The following DPYD variants were observed in gnomAD, a reference collection of about 807,000 sequenced individuals.
DPYD encodes dihydropyrimidine dehydrogenase, also known as dihydropyrimidine dehydrogenase [NADP(+)].
DPYD carries 109 observed loss-of-function variants against 116.2 expected under a neutral mutation model. That is an observed-to-expected ratio of 0.94 (90% CI 0.80 to 1.10). The LOEUF is 1.10. Among genes scored for constraint, DPYD ranks in the 50% least tolerant of loss-of-function variants. The pLI is 0.00. For synonymous variants in DPYD, 440 were observed against 432.0 expected (o/e 1.02, Z -0.23); for missense variants, 1,302 against 1,254.5 (o/e 1.04, Z -0.57).
chr1:97,839,806 C>T (rs1345998394), intron 2 of DPYD, among the ~76,000 whole-genome samples: 2 of 152,070 alleles, frequency 1.3e-5, no homozygotes, highest in Non-Finnish European at 2.9e-5. Flanking sequence ...ATTCACAATC[C>T]ACTAGCAATG....
chr1:97,209,085 G>T (rs772034316), intron 19 of DPYD, among the ~76,000 whole-genome samples: 1 of 152,070 alleles, frequency 6.6e-6, no homozygotes, highest in Non-Finnish European at 1.5e-5. Flanking sequence ...AAACATATAA[G>T]ATCGAATTTT....
chr1:97,469,397 C>CAAAAAAAAAAAAAAAGAA (rs1677504682), intron 13 of DPYD, among the ~76,000 whole-genome samples: 1 of 80,800 alleles, frequency 1.2e-5, no homozygotes, highest in Non-Finnish European at 2.1e-5. Context: ...GCTAAAATTG[C>CAAAAAAAAAAAAAAAGAA]AAAAAAAAAA....
intron 8 of DPYD, among the ~76,000 whole-genome samples, chr1:97,633,333 C>T (rs915716544): frequency 1.3e-5 from 2 of 152,002 alleles, no homozygotes; most frequent in African/African-American, 4.8e-5. Flanking sequence ...GAACTAAAAG[C>T]GTCATGGGGA....
intron 19 of DPYD, among the ~76,000 whole-genome samples, chr1:97,214,012 C>A (rs888815028): frequency 1.3e-5 from 2 of 152,066 alleles, no homozygotes; most frequent in Non-Finnish European, 2.9e-5. Flanking sequence ...TGCATGCTTG[C>A]CAGTTTTTAA....
chr1:97,768,999 T>C (rs1265103965), intron 3 of DPYD, among the ~76,000 whole-genome samples: 1 of 151,902 alleles, frequency 6.6e-6, no homozygotes, highest in Non-Finnish European at 1.5e-5. Flanking sequence ...GAGTATTAAA[T>C]TTAAAAGTGA....
At chr1:97,796,096 C>A (rs1361252626) in intron 3 of DPYD, among the ~76,000 whole-genome samples, 3 of 151,956 alleles carry the variant, frequency 2.0e-5, no homozygotes, top group Admixed American at 6.6e-5. Context: ...ATATACTTAA[C>A]CCCATTTTAC....
chr1:97,578,900 CAA>C (rs1037723220), intron 10 of DPYD, among the ~76,000 whole-genome samples: 1 of 151,208 alleles, frequency 6.6e-6, no homozygotes, highest in African/African-American at 2.4e-5. Context: ...AAATTTAGAA[CAA>C]AAAAAAGTAC....
At chr1:97,763,799 C>T (rs1047641633) in intron 3 of DPYD, among the ~76,000 whole-genome samples, 2 of 151,924 alleles carry the variant, frequency 1.3e-5, no homozygotes, top group Non-Finnish European at 2.9e-5. Context: ...ATAAAAAAGG[C>T]ATCAAAATTC....
At chr1:97,237,241 CAAAAAAA>C (rs58926889) in intron 18 of DPYD, among the ~76,000 whole-genome samples, 4 of 57,700 alleles carry the variant, frequency 6.9e-5, no homozygotes, top group Non-Finnish European at 1.4e-4. Context: ...GATTCTGTCT[CAAAAAAA>C]AAAAAAAAAA....
At chr1:97,148,668 T>C in intron 20 of DPYD, among the ~76,000 whole-genome samples, 1 of 152,184 alleles carries the variant, frequency 6.6e-6, no homozygotes, top group East Asian at 1.9e-4. Context: ...ATGGAATCCC[T>C]GGCAATATCT....
chr1:97,115,290 T>G (rs1651884157), intron 20 of DPYD, among the ~76,000 whole-genome samples: 2 of 152,322 alleles, frequency 1.3e-5, no homozygotes, highest in African/African-American at 4.8e-5. Context: ...ATTTTGTGTT[T>G]GAGAGAAAAG....
chr1:97,380,186 C>T (rs1194741457), intron 15 of DPYD, among the ~76,000 whole-genome samples: 7 of 152,132 alleles, frequency 4.6e-5, no homozygotes, highest in Non-Finnish European at 1.5e-5. Flanking sequence ...AGAAATGGCT[C>T]AGTTTGGCAT....
At position 97,152,227 on chromosome 1, in the gene DPYD, T is replaced by C. The variant is rs529240068; in HGVS notation, c.2622+40842A>G. Among the ~76,000 whole-genome samples the C allele has an allele frequency of 3.3e-5, 5 of 152,290 alleles. No homozygotes were observed. The East Asian group carries it at 9.6e-4, about 29-fold the overall frequency. Reference sequence around the variant, plus strand: ...ATACACTAGGCAATTATAGCCAAAGTTTCTACGGATGTGGCTAATTTATTT... The same window carrying C: ...ATACACTAGGCAATTATAGCCAAAGCTTCTACGGATGTGGCTAATTTATTT... On this transcript the variant is annotated intron_variant, in intron 20 of 22. Coordinates refer to ENST00000370192, the MANE Select transcript of DPYD (RefSeq NM_000110.4).
chr1:97,745,139 G>A (rs551592855), intron 3 of DPYD, among the ~76,000 whole-genome samples: 3 of 151,992 alleles, frequency 2.0e-5, no homozygotes, highest in African/African-American at 7.2e-5. Context: ...TACACCACAG[G>A]TTCTTAATAG....
intron 2 of DPYD, among the ~76,000 whole-genome samples, chr1:97,844,102 A>C (rs889179727): frequency 2.0e-5 from 3 of 152,222 alleles, no homozygotes; most frequent in African/African-American, 7.2e-5. Context: ...AGACCCTAAA[A>C]GAGAGTCAGT....
chr1:97,333,834 A>C (rs917098212), intron 16 of DPYD, among the ~76,000 whole-genome samples: 5 of 152,044 alleles, frequency 3.3e-5, no homozygotes, highest in African/African-American at 1.2e-4. Flanking sequence ...TTTTAAGTAC[A>C]GTTTTTGAAA....
chr1:97,212,904 C>A (rs1481664002), intron 19 of DPYD, among the ~76,000 whole-genome samples: 1 of 152,084 alleles, frequency 6.6e-6, no homozygotes, highest in African/African-American at 2.4e-5. Context: ...CCTGTCTTAG[C>A]CTGTTTGAAC....
intron 6 of DPYD, among the ~76,000 whole-genome samples, chr1:97,692,876 C>G (rs990689659): frequency 4.6e-5 from 7 of 151,970 alleles, no homozygotes; most frequent in African/African-American, 1.7e-4. Flanking sequence ...GAAGATGAAT[C>G]TTCTGGATCA....
intron 12 of DPYD, among the ~76,000 whole-genome samples, chr1:97,535,489 TG>T (rs1649928651): frequency 6.6e-6 from 1 of 152,108 alleles, no homozygotes; most frequent in South Asian, 2.1e-4. Flanking sequence ...CCCTACGTAT[TG>T]GATCAGATTT....
Sources: allele counts gnomAD v4.1 joint callset (sites outside exome capture counted in the v4.1 genomes callset), GRCh38; gene constraint gnomAD v4.1.1; transcripts MANE v1.5; gene names NCBI Gene and HGNC (gene_info 2026-07-23, HGNC 2026-07-21).